The following ALDH6A1 variants were observed in gnomAD, a reference collection of about 807,000 sequenced individuals.
ALDH6A1 encodes methylmalonate-semialdehyde/malonate-semialdehyde dehydrogenase [acylating], mitochondrial.
Under a neutral mutation model 62.6 loss-of-function variants are expected in ALDH6A1, and 43 were observed. The observed-to-expected ratio is 0.69, with a 90% CI of 0.54 to 0.89. The LOEUF is 0.89. Ranked by LOEUF, ALDH6A1 falls within the 40% of genes least tolerant of loss-of-function variation. ALDH6A1 has a pLI of 0.00. For missense variants in ALDH6A1, 551 were observed against 661.3 expected, an observed-to-expected ratio of 0.83 and a Z score of 1.83; for synonymous variants, 194 against 234.2, an observed-to-expected ratio of 0.83 and a Z score of 1.57.
At chr14:74,074,602 C>A (rs1375029662) in intron 2 of ALDH6A1, among the ~76,000 whole-genome samples, 13 of 152,124 alleles carry the variant, frequency 8.5e-5, no homozygotes, top group Admixed American at 7.2e-4. Flanking sequence ...TGGTGACCTA[C>A]TGTGGTACAG....
rs2139693638 is a variant in ALDH6A1, at chr14:74,057,037, G to A, written c.*3605C>T. On this transcript the variant is annotated 3_prime_UTR_variant, in exon 12 of 12. Transcript: ENST00000553458. The stretch of plus-strand genomic sequence containing the variant: ...GAGCCCAACACGATGGTTCTTGTGG[G>A]CATCTTGAATGTGCTAATTGAAAGT... The A allele has an allele frequency of 6.3e-7, 1 of 1,586,008 alleles. No homozygotes were observed. The highest frequency in any genetic ancestry group is 8.6e-7 in the Non-Finnish European group (1 of 1,158,126).
Position 74,083,708 on chromosome 14 carries a change from CAA to C in ALDH6A1, c.48+637_48+638del, listed in dbSNP as rs1449744807. Among the ~76,000 whole-genome samples, 3 of 152,124 alleles carry C rather than the reference CAA, an allele frequency of 2.0e-5. No individual in the cohort carries two copies. In the East Asian group the frequency reaches 5.8e-4, roughly 29 times the overall value. The stretch of plus-strand genomic sequence containing the variant: ...AACTTAGCTGAGAAAAAGTTTAACT[CAA>C]AGTTTTGGCAAGAAAGGGGACAGCC... On this transcript the variant is annotated intron_variant, in intron 1 of 11. Transcript: ENST00000553458.
At position 74,067,439 on chromosome 14, in the gene ALDH6A1, T is replaced by C. The variant is rs1566830411; in HGVS notation, c.983A>G (p.Glu328Gly). 7 of 1,614,108 alleles carry C rather than the reference T, an allele frequency of 4.3e-6. No homozygotes were observed. In the Middle Eastern group the frequency reaches 5.0e-4, roughly 115 times the overall value. ...CAGCTCTGGCAGCCACTTCTTGGCT[T>C]CTCCCACAAGGACTGCTGTTGAAAG... ...MALSTAVLVG[E>G]AKKWLPELVE... is the part of the protein sequence containing the mutation. The change falls in exon 8 of 12, where the codon GAA becomes GGA. Residue 328 changes from glutamate (E) to glycine (G), a missense_variant. Coordinates refer to ENST00000553458, the MANE Select transcript of ALDH6A1 (RefSeq NM_005589.4).
Position 74,060,737 on chromosome 14 carries a change from A to G in ALDH6A1, c.1513T>C (p.Phe505Leu), listed in dbSNP as rs1230825905. Reference protein sequence around the residue: ...TNFYGKQGIQFYTQLKTITSQ... With the variant: ...TNFYGKQGIQLYTQLKTITSQ... ...GTAATGGTCTTTAACTGAGTGTAGA[A>G]TTGGATGCCCTAAGGAAAACAGAAA... Residue 505 changes from phenylalanine (F) to leucine (L), a missense_variant, in exon 12 of 12, where the codon TTC becomes CTC. Transcript: ENST00000553458. 6.2e-7 allele frequency: 1 copy of G among 1,611,100 alleles called. No homozygotes were observed. Among genetic ancestry groups the G allele is most frequent in the Non-Finnish European group, 8.5e-7 (1 of 1,177,432 alleles).
Position 74,084,405 on chromosome 14 carries a change from C to A in ALDH6A1, c.-11G>T, listed in dbSNP as rs748972857. On this transcript the variant is annotated 5_prime_UTR_variant, in exon 1 of 12. Transcript: ENST00000553458. ...CAATAGCGCCGCCATGGCTCTCGGC[C>A]GCCCTAGCTCCGCACCCCGCGCCTC... 1.9e-6 allele frequency: 3 copies of A among 1,612,856 alleles called. No individual in the cohort carries two copies. The highest frequency in any genetic ancestry group is 2.5e-6 in the Non-Finnish European group (3 of 1,179,838).
chr14:74,068,878 C>T lies in ALDH6A1; in HGVS notation c.834G>A (p.Lys278=). 1 of 1,614,076 alleles carries T rather than the reference C, an allele frequency of 6.2e-7. No individual in the cohort carries two copies. Among genetic ancestry groups the T allele is most frequent in the South Asian group, 1.1e-5 (1 of 91,072 alleles). ...YIFERGSRHG[K]RVQANMGAKN... ...AAGTCACCATATTGGCTTGAACCCT[C>T]TTGCCATGTCTTGATCCTCTCTCGA... The change falls in exon 7 of 12, where the codon AAG becomes AAA. Residue 278 remains lysine, a synonymous_variant. Coordinates refer to ENST00000553458, the MANE Select transcript of ALDH6A1 (RefSeq NM_005589.4).
chr14:74,078,820 C>T (rs984772163), intron 1 of ALDH6A1, among the ~76,000 whole-genome samples: 1 of 151,802 alleles, frequency 6.6e-6, no homozygotes, highest in African/African-American at 2.4e-5. Context: ...TGAGCCACTG[C>T]ACCTGGCCAC....
At chr14:74,080,673 C>A (rs1472935912) in intron 1 of ALDH6A1, among the ~76,000 whole-genome samples, 1 of 152,112 alleles carries the variant, frequency 6.6e-6, no homozygotes, top group Non-Finnish European at 1.5e-5. Context: ...GAACTCTTAG[C>A]CTCAAGCGAT....
At position 74,076,413 on chromosome 14, in the gene ALDH6A1, G is replaced by A. The variant is rs1051623652; in HGVS notation, c.49-1396C>T. 6.6e-5 allele frequency among the ~76,000 whole-genome samples: 10 copies of A among 152,170 alleles called. No individual in the cohort carries two copies. In the East Asian group the frequency reaches 1.5e-3, roughly 23 times the overall value. ...GTCTCACTCTGTCGCCCAGGCTGGA[G>A]TGCAGTGGCATGATCTCGGCTCACT... On this transcript the variant is annotated intron_variant, in intron 1 of 11. Transcript: ENST00000553458.
intron 2 of ALDH6A1, among the ~76,000 whole-genome samples, chr14:74,073,934 AG>A (rs1197815725): frequency 6.6e-6 from 1 of 150,532 alleles, no homozygotes; most frequent in Non-Finnish European, 1.5e-5. Context: ...AAAAAAAAAA[AG>A]ATTTTGAAAA....
chr14:74,066,599 T>C (rs769234420), intron 9 of ALDH6A1, 106 bp downstream of exon 9: 267 of 1,153,714 alleles, frequency 2.3e-4, no homozygotes, highest in Non-Finnish European at 3.2e-4. Context: ...TGGCAAGAGA[T>C]AAGGTCTTAG....
chr14:74,078,058 C>T (rs1406629932), intron 1 of ALDH6A1: 5 of 378,558 alleles, frequency 1.3e-5, no homozygotes, highest in African/African-American at 8.4e-5. Context: ...GGGAACATAA[C>T]GAGACTCCAT....
rs1483681832 is a variant in ALDH6A1, at chr14:74,059,296, TAGC to T, written c.*1343_*1345del. 10 of 434,880 alleles carry T rather than the reference TAGC, an allele frequency of 2.3e-5. No individual in the cohort carries two copies. The highest frequency in any genetic ancestry group is 4.1e-5 in the Non-Finnish European group (9 of 217,714). 26.9% of individuals were successfully genotyped at this position (434,880 alleles called of 1,614,324 possible). ...AGAATATATAAAATTTGGCAAGTAA[TAGC>T]AGGTTAGATTTGCTTAAGGCAGGTG... On this transcript the variant is annotated 3_prime_UTR_variant, in exon 12 of 12. Coordinates refer to ENST00000553458, the MANE Select transcript of ALDH6A1 (RefSeq NM_005589.4).
chr14:74,073,447 A>G (rs985261140), intron 2 of ALDH6A1, among the ~76,000 whole-genome samples: 2 of 152,138 alleles, frequency 1.3e-5, no homozygotes, highest in Non-Finnish European at 2.9e-5. Flanking sequence ...CAATACTGTG[A>G]TCTCTCTGAG....
Position 74,072,607 on chromosome 14 carries a change from G to T in ALDH6A1, c.116C>A (p.Thr39Asn). The T allele has an allele frequency of 6.2e-7, 1 of 1,613,018 alleles. No individual in the cohort carries two copies. Among genetic ancestry groups the T allele is most frequent in the Non-Finnish European group, 8.5e-7 (1 of 1,179,938 alleles). ...SASSFSSSVP[T>N]VKLFIGGKFV... ...TTTCCCACCAATGAAGAGCTTTACA[G>T]TTGGCTGAAAAAAACAAACAAACAA... The change falls in exon 3 of 12, where the codon ACT becomes AAT. Residue 39 changes from threonine to asparagine, a missense_variant. Thr to Asn is a moderately conservative substitution (Grantham distance 65). Coordinates refer to ENST00000553458, the MANE Select transcript of ALDH6A1 (RefSeq NM_005589.4).
chr14:74,072,658 TG>T, intron 2 of ALDH6A1, 47 bp from the exon 3 acceptor site: 1 of 1,597,580 alleles, frequency 6.3e-7, no homozygotes, highest in Non-Finnish European at 8.5e-7. Context: ...CATGAAACTT[TG>T]TATTAGCTAA....
rs1415199825 is a variant in ALDH6A1, at chr14:74,067,581, T to G, written c.853-12A>C. Reference sequence around the variant, plus strand: ...TGGTTCTTGGCTCCCTAAAAAAAAATGCAGAAAGCACATGAGTCTTCCTTG... The same window carrying G: ...TGGTTCTTGGCTCCCTAAAAAAAAAGGCAGAAAGCACATGAGTCTTCCTTG... On this transcript the variant is annotated splice_polypyrimidine_tract_variant and intron_variant, in intron 7 of 11. Transcript: ENST00000553458. The G allele has an allele frequency of 6.2e-7, 1 of 1,612,494 alleles. No homozygotes were observed. The highest frequency in any genetic ancestry group is 1.3e-5 in the African/African-American group (1 of 74,702).
At chr14:74,069,014 G>A (rs1250789303) in intron 6 of ALDH6A1, 33 bp from the exon 7 acceptor site, 1 of 1,609,420 alleles carries the variant, frequency 6.2e-7, no homozygotes, top group Non-Finnish European at 8.5e-7. Context: ...CACTCACAAA[G>A]GAGCAAATGG....
Position 74,071,416 on chromosome 14 carries a change from T to G in ALDH6A1, c.509A>C (p.Tyr170Ser). 6.2e-7 allele frequency: 1 copy of G among 1,614,146 alleles called. No homozygotes were observed. The highest frequency in any genetic ancestry group is 8.5e-7 in the Non-Finnish European group (1 of 1,180,038). ...MPSITKDMDL[Y>S]SYRLPLGVCA... ...CACTCCCAGAGGCAGACGGTAGGAA[T>G]AAAGGTCCATGTCTTTGGTGATGGA... is the stretch of plus-strand genomic sequence containing the variant. Residue 170 changes from tyrosine (Y) to serine (S), a missense_variant, in exon 6 of 12, where the codon TAT (tyrosine) becomes TCT (serine). By Grantham distance (144) the Tyr-to-Ser change is moderately radical (BLOSUM62 -2). Transcript: ENST00000553458.
Sources: allele counts gnomAD v4.1 joint callset (sites outside exome capture counted in the v4.1 genomes callset), GRCh38; gene constraint gnomAD v4.1.1; transcripts MANE v1.5; gene names NCBI Gene and HGNC (gene_info 2026-07-23, HGNC 2026-07-21).